Variants in PAX8 observed in about 807,000 individuals in gnomAD.
PAX8 encodes paired box 8.
Under a neutral mutation model 52.4 loss-of-function variants are expected in PAX8, and 15 were observed. That is an observed-to-expected ratio of 0.29 (90% CI 0.19 to 0.44). The LOEUF (loss-of-function observed/expected upper bound fraction) is 0.44. Ranked by LOEUF, PAX8 falls within the 20% of genes least tolerant of loss-of-function variation. PAX8 has a pLI of 1.00. For synonymous variants in PAX8, 284 were observed against 249.7 expected (o/e 1.14, Z -1.29); for missense variants, 554 against 602.5 (o/e 0.92, Z 0.84).
intron 8 of PAX8, 81 bp downstream of exon 8, chr2:113,236,520 C>A: frequency 6.8e-7 from 1 of 1,478,828 alleles, no homozygotes; most frequent in Non-Finnish European, 9.1e-7. Context: ...CAGGCCAGGG[C>A]CCCACACCTT....
At chr2:113,227,121 G>A in intron 10 of PAX8, 34 bp downstream of exon 10, 1 of 1,553,112 alleles carries the variant, frequency 6.4e-7, no homozygotes. Flanking sequence ...CTTCCTCTTT[G>A]CAGTGCTCCC....
intron 2 of PAX8, among the ~76,000 whole-genome samples, chr2:113,250,414 G>T (rs1691672843): frequency 6.6e-6 from 1 of 152,230 alleles, no homozygotes; most frequent in South Asian, 2.1e-4. Flanking sequence ...GTAGGACTAG[G>T]ACTAGGGAGT....
At chr2:113,244,396 G>A (rs1358747929) in intron 4 of PAX8, 31 bp downstream of exon 4, 1 of 1,580,056 alleles carries the variant, frequency 6.3e-7, no homozygotes, top group African/African-American at 1.3e-5. Flanking sequence ...AGGGGCCCCA[G>A]CCTGACACCA....
chr2:113,232,866 C>T (rs140400000), intron 9 of PAX8, among the ~76,000 whole-genome samples: 17 of 152,240 alleles, frequency 1.1e-4, no homozygotes, highest in Admixed American at 2.0e-4. Flanking sequence ...AGCTTCTCCG[C>T]GGCTTCCACA....
intron 7 of PAX8, chr2:113,239,082 T>TC (rs1291004068): frequency 6.6e-6 from 1 of 151,778 alleles, no homozygotes; most frequent in Admixed American, 6.6e-5. Context: ...TTTTTTTTTT[T>TC]TTTCAGATGG....
At chr2:113,224,851 TAAAATAAA>T (rs1689473302) in intron 10 of PAX8, among the ~76,000 whole-genome samples, 5 of 19,490 alleles carry the variant, frequency 2.6e-4, no homozygotes, top group South Asian at 9.3e-3. Flanking sequence ...TAAAATAAAA[TAAAATAAA>T]ATAAAATAAA....
chr2:113,241,928 T>G, intron 6 of PAX8, 80 bp downstream of exon 6: 1 of 1,551,198 alleles, frequency 6.4e-7, no homozygotes, highest in South Asian at 1.2e-5. Context: ...ATATCATAAG[T>G]GGAAGGGTTT....
intron 6 of PAX8, 29 bp downstream of exon 6, chr2:113,241,979 G>C: frequency 6.2e-7 from 1 of 1,611,696 alleles, no homozygotes; most frequent in African/African-American, 1.3e-5. Context: ...CTCGTGCACC[G>C]CCCGCTGCCC....
chr2:113,217,779 T>G lies in PAX8; in HGVS notation c.*754A>C, dbSNP rs187506287. 9 of 233,218 alleles carry G rather than the reference T, an allele frequency of 3.9e-5. No individual in the cohort carries two copies. The highest frequency in any genetic ancestry group is 7.6e-5 in the Non-Finnish European group (9 of 118,090). The allele number at this position is 233,218 out of a possible 1,614,324, so 14.4% of individuals were successfully genotyped here. On this transcript the variant is annotated 3_prime_UTR_variant, in exon 12 of 12. Transcript: ENST00000429538. ...GGGCCCAGGCCCTGTGGAATGTCTG[T>G]TTTAAGCTCCCTGGGGCTGGCCTGG...
intron 2 of PAX8, among the ~76,000 whole-genome samples, chr2:113,263,747 A>T (rs1377834341): frequency 6.6e-6 from 1 of 152,028 alleles, no homozygotes; most frequent in Non-Finnish European, 1.5e-5. Flanking sequence ...GGCATGAGGG[A>T]CTCCACATGG....
intron 2 of PAX8, chr2:113,259,457 G>C (rs778182244): frequency 1.3e-5 from 2 of 152,956 alleles, no homozygotes; most frequent in Non-Finnish European, 2.9e-5. Flanking sequence ...CAGACACCTG[G>C]CTCCTTGAGG....
intron 9 of PAX8, among the ~76,000 whole-genome samples, chr2:113,228,034 C>T (rs978591352): frequency 2.0e-5 from 3 of 152,214 alleles, no homozygotes; most frequent in African/African-American, 7.2e-5. Flanking sequence ...GTCATACCCC[C>T]ACCTTGGTGA....
intron 10 of PAX8, among the ~76,000 whole-genome samples, chr2:113,222,562 T>G (rs1689332537): frequency 6.6e-6 from 1 of 152,164 alleles, no homozygotes; most frequent in Admixed American, 6.5e-5. Context: ...AGGCCAACCC[T>G]GCCTCTTTGC....
chr2:113,278,655 G>C (rs1457967533), intron 1 of PAX8, 176 bp downstream of exon 1: 1 of 660,644 alleles, frequency 1.5e-6, no homozygotes, highest in African/African-American at 1.8e-5. Context: ...CAAGGATTGG[G>C]AGTGCGCTGA....
intron 10 of PAX8, chr2:113,225,822 TGG>T: frequency 1.4e-6 from 1 of 738,764 alleles, no homozygotes; most frequent in African/African-American, 1.9e-5. Context: ...GGAAGGGGAA[TGG>T]GGGGAACCGA....
rs199745734 is a variant in PAX8, at chr2:113,244,390, G to T, written c.389+37C>A. ...TTCCTGATTTCCCCAAAGCCCAGGG[G>T]CCCCAGCCTGACACCAGAGGCTGCT... On this transcript the variant is annotated intron_variant, in intron 4 of 11. Transcript: ENST00000429538. The T allele has an allele frequency of 2.6e-6, 4 of 1,538,882 alleles. No homozygotes were observed. The East Asian group carries it at 6.7e-5, about 26-fold the overall frequency.
intron 2 of PAX8, among the ~76,000 whole-genome samples, chr2:113,258,466 A>G (rs1271360494): frequency 6.6e-6 from 1 of 151,592 alleles, no homozygotes; most frequent in East Asian, 1.9e-4. Flanking sequence ...GACTCCTCCA[A>G]TGCCACCGCT....
At chr2:113,256,085 ATCTGGTT>A (rs1375344924) in intron 2 of PAX8, among the ~76,000 whole-genome samples, 1 of 152,182 alleles carries the variant, frequency 6.6e-6, no homozygotes, top group Non-Finnish European at 1.5e-5. Context: ...CAGTCTTAAA[ATCTGGTT>A]TCCTCAGATC....
intron 2 of PAX8, 85 bp from the exon 3 acceptor site, chr2:113,247,004 T>C: frequency 8.2e-7 from 1 of 1,214,984 alleles, no homozygotes; most frequent in Non-Finnish European, 1.2e-6. Flanking sequence ...GGTGCTGGTG[T>C]GTGTGTGTGT....
Sources: gnomAD v4.1 joint callset for allele counts (sites outside exome capture counted in the v4.1 genomes callset) on GRCh38, gnomAD v4.1.1 for gene constraint, MANE v1.5 for transcripts, NCBI Gene and HGNC (gene_info 2026-07-23, HGNC 2026-07-21) for gene names.